PSMD14: variants seen among roughly 807,000 people sequenced by gnomAD.
The protein encoded by PSMD14 is ubiquitin C-terminal hydrolase PSMD14.
In PSMD14, 7 loss-of-function variants were observed where a neutral mutation model predicts 41.2. The ratio of observed to expected loss-of-function variants is 0.17; its 90% CI spans 0.10 to 0.32. The LOEUF (loss-of-function observed/expected upper bound fraction) is 0.32, where lower values mean the gene tolerates loss of function less well. PSMD14 is among the 10% of genes least tolerant of loss of function. PSMD14 has a pLI of 1.00. For missense variants in PSMD14, 139 were observed against 375.6 expected (o/e 0.37, Z 5.21); for synonymous variants, 114 against 122.3 (o/e 0.93, Z 0.45).
At position 161,385,532 on chromosome 2, in the gene PSMD14, A is replaced by C; in HGVS notation, c.531A>C (p.Thr177=). ...MMVLGHEPRQ[T]TSNLGHLNKP... is the part of the protein sequence containing the mutation. ...TCTTAGGACATGAACCAAGACAAAC[A>C]ACTTCGAATCTGGGTCACTTAAACA... The change falls in exon 8 of 12, where the codon ACA becomes ACC. Residue 177 remains threonine (T), a synonymous_variant. Transcript: ENST00000409682. 6.2e-7 allele frequency: 1 copy of C among 1,609,136 alleles called. No individual in the cohort carries two copies. The highest frequency in any genetic ancestry group is 8.5e-7 in the Non-Finnish European group (1 of 1,176,528).
At chr2:161,344,406 G>T (rs988663817) in intron 3 of PSMD14, among the ~76,000 whole-genome samples, 1 of 152,174 alleles carries the variant, frequency 6.6e-6, no homozygotes, top group East Asian at 1.9e-4. Context: ...CAGAAAGAAA[G>T]CTAAGAGTTT....
At chr2:161,379,788 C>T (rs1328947035) in intron 7 of PSMD14, among the ~76,000 whole-genome samples, 2 of 152,030 alleles carry the variant, frequency 1.3e-5, no homozygotes, top group Non-Finnish European at 2.9e-5. Flanking sequence ...GTAGAAGAAC[C>T]ACAGACTGCA....
intron 7 of PSMD14, among the ~76,000 whole-genome samples, chr2:161,376,875 G>A (rs1683509921): frequency 6.6e-6 from 1 of 151,834 alleles, no homozygotes; most frequent in African/African-American, 2.4e-5. Flanking sequence ...GAATGAATTT[G>A]CATCAGTGTT....
At chr2:161,357,794 A>G (rs1683228025) in intron 3 of PSMD14, among the ~76,000 whole-genome samples, 1 of 152,158 alleles carries the variant, frequency 6.6e-6, no homozygotes, top group African/African-American at 2.4e-5. Context: ...ATGTAGCTTA[A>G]GTACCTCTTT....
At chr2:161,375,519 G>T (rs1455510274) in intron 7 of PSMD14, among the ~76,000 whole-genome samples, 1 of 152,030 alleles carries the variant, frequency 6.6e-6, no homozygotes, top group African/African-American at 2.4e-5. Flanking sequence ...TGAGCTTTGA[G>T]GGGTAGGCAG....
At chr2:161,405,817 G>A (rs902043158) in intron 10 of PSMD14, among the ~76,000 whole-genome samples, 15 of 152,102 alleles carry the variant, frequency 9.9e-5, no homozygotes, top group Non-Finnish European at 1.6e-4. Flanking sequence ...ATGGGATCAT[G>A]GCATGTTATA....
At chr2:161,363,742 C>T (rs896197968) in intron 3 of PSMD14, among the ~76,000 whole-genome samples, 4 of 152,142 alleles carry the variant, frequency 2.6e-5, no homozygotes, top group Admixed American at 6.5e-5. Flanking sequence ...ACAGGGCATT[C>T]GATTGGGATG....
chr2:161,318,006 A>C (rs1188852347), intron 2 of PSMD14, among the ~76,000 whole-genome samples: 1 of 152,106 alleles, frequency 6.6e-6, no homozygotes, highest in East Asian at 1.9e-4. Flanking sequence ...GATATTTCTT[A>C]ACTTCTTCTG....
At position 161,391,169 on chromosome 2, in the gene PSMD14, G is replaced by A; in HGVS notation, c.636G>A (p.Leu212=). Residue 212 remains leucine (L), a synonymous_variant, in exon 9 of 12, where the codon CTG becomes CTA. Transcript: ENST00000409682. ...CTATTAACTATCGGAAAAATGAACTGGAACAGAAGGTAAGTTTAAATTTTT... is the reference window on the plus strand; with the variant it reads ...CTATTAACTATCGGAAAAATGAACTAGAACAGAAGGTAAGTTTAAATTTTT... The part of the protein sequence containing the change: ...SITINYRKNE[L]EQKMLLNLHK... 6.6e-7 allele frequency: 1 copy of A among 1,519,662 alleles called. No individual in the cohort carries two copies. Among genetic ancestry groups the A allele is most frequent in the Non-Finnish European group, 8.8e-7 (1 of 1,131,510 alleles). The allele number at this position is 1,519,662 out of a possible 1,614,324, so 94.1% of individuals were successfully genotyped here.
At chr2:161,324,963 T>C (rs1273501592) in intron 3 of PSMD14, among the ~76,000 whole-genome samples, 4 of 152,160 alleles carry the variant, frequency 2.6e-5, no homozygotes, top group Middle Eastern at 3.2e-3. Context: ...ATAAACAACA[T>C]CATGATGATT....
intron 3 of PSMD14, among the ~76,000 whole-genome samples, chr2:161,344,605 A>G (rs1355011038): frequency 1.4e-5 from 2 of 144,536 alleles, no homozygotes; most frequent in African/African-American, 5.1e-5. Flanking sequence ...AAGAAATAAT[A>G]TTTAATGATG....
intron 3 of PSMD14, among the ~76,000 whole-genome samples, chr2:161,342,572 G>A (rs1484084707): frequency 1.3e-5 from 2 of 150,620 alleles, no homozygotes; most frequent in Admixed American, 6.6e-5. Context: ...TTTGAAATAA[G>A]TTTCTTGTAG....
intron 3 of PSMD14, among the ~76,000 whole-genome samples, chr2:161,334,986 G>A (rs1682847256): frequency 6.6e-6 from 1 of 152,242 alleles, no homozygotes; most frequent in African/African-American, 2.4e-5. Flanking sequence ...TAGGGTAGTG[G>A]TCAGCAGTAT....
At chr2:161,381,843 CA>C (rs535735640) in intron 7 of PSMD14, 1 of 151,796 alleles carries the variant, frequency 6.6e-6, no homozygotes, top group East Asian at 1.9e-4. Context: ...GACAGATGTA[CA>C]AAAAACATGC....
intron 3 of PSMD14, among the ~76,000 whole-genome samples, chr2:161,323,474 C>T (rs1682641154): frequency 6.6e-6 from 1 of 152,094 alleles, no homozygotes; most frequent in Non-Finnish European, 1.5e-5. Flanking sequence ...ACCAGCCTGG[C>T]CAACATGGGG....
chr2:161,408,721 T>A lies in PSMD14; in HGVS notation c.772-116T>A, dbSNP rs528728500. 66 of 711,562 alleles carry A rather than the reference T, an allele frequency of 9.3e-5. No individual in the cohort carries two copies. In the South Asian group the frequency reaches 1.2e-3, roughly 12 times the overall value. 44.1% of individuals were successfully genotyped at this position (711,562 alleles called of 1,614,324 possible). On this transcript the variant is annotated intron_variant, in intron 10 of 11. Transcript: ENST00000409682. ...ATAATTTTATTTGTTCAGTAAATTA[T>A]TTGAATAAAAGTTGTATGAATGAAA...
At chr2:161,355,097 C>T (rs1362919737) in intron 3 of PSMD14, among the ~76,000 whole-genome samples, 1 of 152,156 alleles carries the variant, frequency 6.6e-6, no homozygotes, top group Non-Finnish European at 1.5e-5. Context: ...TAGTATAATT[C>T]TCATTGTTTG....
chr2:161,395,045 A>C, intron 9 of PSMD14, 33 bp from the exon 10 acceptor site: 1 of 1,538,216 alleles, frequency 6.5e-7, no homozygotes. Context: ...TCCTCAAGGC[A>C]GAAAAAGAAT....
intron 3 of PSMD14, among the ~76,000 whole-genome samples, chr2:161,346,483 CTT>C (rs1683043607): frequency 6.6e-6 from 1 of 151,056 alleles, no homozygotes. Context: ...AGTTGACTGA[CTT>C]ATCTCCTTAC....
Sources: gnomAD v4.1 joint callset for allele counts (sites outside exome capture counted in the v4.1 genomes callset) on GRCh38, gnomAD v4.1.1 for gene constraint, MANE v1.5 for transcripts, NCBI Gene and HGNC (gene_info 2026-07-23, HGNC 2026-07-21) for gene names.